RAD54L: variants seen among roughly 807,000 people sequenced by gnomAD.
RAD54L encodes the protein RAD54 like, also known as DNA repair and recombination protein RAD54-like.
RAD54L carries 74 observed loss-of-function variants against 91.6 expected under a neutral mutation model. The ratio of observed to expected loss-of-function variants is 0.81; its 90% confidence interval spans 0.67 to 0.98. The LOEUF (loss-of-function observed/expected upper bound fraction) is 0.98, where lower values mean the gene tolerates loss of function less well. Ranked by LOEUF, RAD54L falls within the 50% of genes least tolerant of loss-of-function variation. The pLI, the probability that RAD54L is intolerant of heterozygous loss-of-function variation, is 0.00. For synonymous variants in RAD54L, 304 were observed against 349.7 expected, an observed-to-expected ratio of 0.87 and a Z score of 1.46; for missense variants, 887 against 945.7, an observed-to-expected ratio of 0.94 and a Z score of 0.81.
rs150138364 is a variant in RAD54L at position 46,270,754 on chromosome 1, C to A, written c.1138C>A (p.Arg380=). 1 of 1,614,044 alleles carries A rather than the reference C, an allele frequency of 6.2e-7. No homozygotes were observed. Among genetic ancestry groups the A allele is most frequent in the Non-Finnish European group, 8.5e-7 (1 of 1,180,020 alleles). Residue 380 remains arginine, a synonymous_variant, in exon 10 of 18, where the codon CGG becomes AGG. Transcript: ENST00000371975. ...GGCAGACAGGCAGCTAGGAGAGGAG[C>A]GGCTGCGGGAGCTCACCAGCATTGT... ...SEADRQLGEE[R]LRELTSIVNR...
chr1:46,267,599 C>T lies in RAD54L; in HGVS notation c.1032C>T (p.Ser344=), dbSNP rs369086807. Residue 344 remains serine (S), a synonymous_variant, in exon 9 of 18, where the codon TCC becomes TCT. Transcript: ENST00000371975. The part of the protein sequence containing the change: ...EYFSLVHFVN[S]GILGTAHEFK... ...TCAGCTTGGTACATTTTGTTAATTCCGGCATCCTAGGTAAGAATCTAGCCT... is the reference window on the plus strand; with the variant it reads ...TCAGCTTGGTACATTTTGTTAATTCTGGCATCCTAGGTAAGAATCTAGCCT... 1.2e-5 allele frequency: 19 copies of T among 1,611,552 alleles called. No homozygotes were observed. The Middle Eastern group carries it at 8.3e-4, about 70-fold the overall frequency.
At chr1:46,256,028 A>G (rs920980229) in intron 3 of RAD54L, among the ~76,000 whole-genome samples, 1 of 152,200 alleles carries the variant, frequency 6.6e-6, no homozygotes, top group Non-Finnish European at 1.5e-5. Context: ...TTGATGCCAA[A>G]TTAAAAAGAA....
intron 10 of RAD54L, 89 bp downstream of exon 10, chr1:46,270,874 A>G: frequency 6.4e-7 from 1 of 1,571,084 alleles, no homozygotes; most frequent in Non-Finnish European, 8.7e-7. Context: ...GAGCCCTCAA[A>G]GGCTGGGATT....
At position 46,273,444 on chromosome 1, in the gene RAD54L, G is replaced by A; in HGVS notation, c.1465G>A (p.Ala489Thr). The change falls in exon 13 of 18, where the codon GCC becomes ACC. Residue 489 changes from alanine to threonine, a missense_variant. Transcript: ENST00000371975. ...DLFPPGYSSK[A>T]LEPQLSGKML... ...CTTCCCTCCTGGTTACAGCTCTAAG[G>A]CCCTGGAGCCCCAGCTGTCAGGTGA... 6.2e-7 allele frequency: 1 copy of A among 1,613,696 alleles called. No individual in the cohort carries two copies. The highest frequency in any genetic ancestry group is 1.1e-5 in the South Asian group (1 of 91,066).
At position 46,274,732 on chromosome 1, in the gene RAD54L, A is replaced by G; in HGVS notation, c.1869+15A>G. ...GCCTGCTGTCTGTAAGGATGGTGAT[A>G]GTAGTCATAGTAGGGGTGGGTCATG... On this transcript the variant is annotated intron_variant, in intron 16 of 17. Transcript: ENST00000371975. The G allele has an allele frequency of 6.2e-7, 1 of 1,613,920 alleles. No individual in the cohort carries two copies. Among genetic ancestry groups the G allele is most frequent in the South Asian group, 1.1e-5 (1 of 91,058 alleles).
At position 46,277,953 on chromosome 1, in the gene RAD54L, A is replaced by AAC. The variant is rs1330682794; in HGVS notation, c.2007_2008insCA (p.Ala670GlnfsTer87). On this transcript the variant is annotated frameshift_variant, in exon 17 of 18. Coordinates refer to ENST00000371975, the MANE Select transcript of RAD54L (RefSeq NM_003579.4). LOFTEE classifies it high-confidence loss of function. ...TTGAAGGAGCTGTTTATCCTGGATG[A>AAC]AGCTAGCCTCAGTGACACACATGAC... 6.2e-7 allele frequency: 1 copy of AAC among 1,614,156 alleles called. No individual in the cohort carries two copies.
rs549563273 is a variant in RAD54L, at chr1:46,265,853, G to A, written c.892-1606G>A. On this transcript the variant is annotated intron_variant, in intron 8 of 17. Coordinates refer to ENST00000371975, the MANE Select transcript of RAD54L (RefSeq NM_003579.4). The surrounding 1 kb of genome is among the most constrained non-coding windows in gnomAD (Gnocchi z 4.8). ...AATCCCAGCTCTGCTACTTTCTACC[G>A]GCATGATTTTGGATAACTGTTTACC... Among the ~76,000 whole-genome samples the A allele has an allele frequency of 1.7e-4, 26 of 152,202 alleles. No homozygotes were observed. The highest frequency in any genetic ancestry group is 4.2e-4 in the South Asian group (2 of 4,810).
chr1:46,275,776 C>T (rs1197699330), intron 16 of RAD54L, among the ~76,000 whole-genome samples: 1 of 152,046 alleles, frequency 6.6e-6, no homozygotes, highest in African/African-American at 2.4e-5. Context: ...TCCTAATTGC[C>T]AAAACAGGAG....
intron 3 of RAD54L, among the ~76,000 whole-genome samples, chr1:46,256,648 AG>A (rs1314915035): frequency 5.3e-5 from 8 of 151,586 alleles, no homozygotes; most frequent in African/African-American, 1.9e-4. Context: ...AAAAAAAAAA[AG>A]TCAATAAAAG....
At chr1:46,249,477 G>T (rs988785750) in intron 2 of RAD54L, among the ~76,000 whole-genome samples, 1 of 152,222 alleles carries the variant, frequency 6.6e-6, no homozygotes, top group Non-Finnish European at 1.5e-5. Context: ...ATGGGTCTCA[G>T]ACTTGAACTT....
At chr1:46,252,880 G>A (rs1158536823) in intron 3 of RAD54L, among the ~76,000 whole-genome samples, 1 of 152,014 alleles carries the variant, frequency 6.6e-6, no homozygotes, top group Non-Finnish European at 1.5e-5. Context: ...AGACCAACTT[G>A]AACAACATAG....
chr1:46,254,834 G>A (rs1483032722), intron 3 of RAD54L, among the ~76,000 whole-genome samples: 1 of 152,148 alleles, frequency 6.6e-6, no homozygotes, highest in Non-Finnish European at 1.5e-5. Flanking sequence ...CAATCCTCCT[G>A]TCTTGGCCTC....
rs780137317 is a variant in RAD54L, at chr1:46,248,376, T to C, written c.-30T>C. On this transcript the variant is annotated 5_prime_UTR_variant, in exon 1 of 18. Coordinates refer to ENST00000371975, the MANE Select transcript of RAD54L (RefSeq NM_003579.4). ...CTGCTTTTGACCTTTGGCTCATGGG[T>C]ACTTGACGTTTTAAACTCCTAGGCC... 6.2e-7 allele frequency: 1 copy of C among 1,613,248 alleles called. No individual in the cohort carries two copies. The highest frequency in any genetic ancestry group is 1.1e-5 in the South Asian group (1 of 90,994).
At chr1:46,268,752 A>G (rs1226337003) in intron 9 of RAD54L, among the ~76,000 whole-genome samples, 1 of 152,156 alleles carries the variant, frequency 6.6e-6, no homozygotes, top group Non-Finnish European at 1.5e-5. Context: ...TTATGAGTAC[A>G]CTACAATTTA....
At position 46,273,756 on chromosome 1, in the gene RAD54L, G is replaced by C; in HGVS notation, c.1610+9G>C. The C allele has an allele frequency of 6.3e-7, 1 of 1,599,218 alleles. No individual in the cohort carries two copies. Among genetic ancestry groups the C allele is most frequent in the Non-Finnish European group, 8.5e-7 (1 of 1,172,220 alleles). On this transcript the variant is annotated intron_variant, in intron 14 of 17. Coordinates refer to ENST00000371975, the MANE Select transcript of RAD54L (RefSeq NM_003579.4). The stretch of plus-strand genomic sequence containing the variant: ...CTGTGCCGTGCCCGAAGGTAGGGAA[G>C]ATCCTAACCAGGATGCCAAAGGGGG...
In RAD54L at chr1:46,277,856, C is replaced by G; in HGVS notation, c.1909C>G (p.His637Asp). 1 of 1,613,296 alleles carries G rather than the reference C, an allele frequency of 6.2e-7. No individual in the cohort carries two copies. The change falls in exon 17 of 18, where the codon CAC becomes GAC. Residue 637 changes from histidine (H) to aspartate (D), a missense_variant. Transcript: ENST00000371975. Reference protein sequence around the residue: ...IEEKIFQRQSHKKALSSCVVD... With the variant: ...IEEKIFQRQSDKKALSSCVVD... ...GGAGAAGATCTTCCAGCGTCAGAGC[C>G]ACAAGAAGGCACTGAGCAGCTGTGT... is the stretch of plus-strand genomic sequence containing the variant.
In RAD54L at chr1:46,277,797, C is replaced by A; in HGVS notation, c.1870-20C>A. The A allele has an allele frequency of 4.4e-6, 7 of 1,592,356 alleles. No individual in the cohort carries two copies. The highest frequency in any genetic ancestry group is 6.0e-6 in the Non-Finnish European group (7 of 1,160,950). ...GCTAAGCGCTGTATCTTTTGACATT[C>A]CCCACCTCCTCTTCCCCAGGCAGGG... On this transcript the variant is annotated intron_variant, in intron 16 of 17. Transcript: ENST00000371975.
chr1:46,268,346 C>T (rs1660324427), intron 9 of RAD54L, among the ~76,000 whole-genome samples: 1 of 152,164 alleles, frequency 6.6e-6, no homozygotes, highest in South Asian at 2.1e-4. Flanking sequence ...CAAAACTCCT[C>T]ATTCCTCCCT....
At position 46,267,664 on chromosome 1, in the gene RAD54L, G is replaced by C. The variant is rs28363230; in HGVS notation, c.1042+55G>C. 8,893 of 1,542,762 alleles carry C rather than the reference G, an allele frequency of 5.8e-3. 377 individuals carry two copies. The African/African-American group carries it at 0.098, about 17-fold the overall frequency. Reference sequence around the variant, plus strand: ...GAGAGGAGCCCTGCCTTGTCTTTGGGAGTATAACTCCAGCTGAGGAGAGAA... The same window carrying C: ...GAGAGGAGCCCTGCCTTGTCTTTGGCAGTATAACTCCAGCTGAGGAGAGAA... On this transcript the variant is annotated intron_variant, in intron 9 of 17. Transcript: ENST00000371975.
Sources: gnomAD v4.1 joint callset for allele counts (sites outside exome capture counted in the v4.1 genomes callset) on GRCh38, gnomAD v4.1.1 for gene constraint, Gnocchi (gnomAD v3.1) non-coding constraint, MANE v1.5 for transcripts, NCBI Gene and HGNC (gene_info 2026-07-23, HGNC 2026-07-21) for gene names.